SERPINA7: variants seen among roughly 807,000 people sequenced by gnomAD.
The protein encoded by SERPINA7 is thyroxine-binding globulin.
In SERPINA7, 14 loss-of-function variants were observed where a neutral mutation model predicts 16.0. The ratio of observed to expected loss-of-function variants is 0.88; its 90% CI spans 0.58 to 1.37. The LOEUF is 1.37. Ranked by LOEUF, SERPINA7 falls within the 40% of genes most tolerant of loss-of-function variation. SERPINA7 has a pLI of 0.00. For missense variants in SERPINA7, 335 were observed against 296.6 expected, an observed-to-expected ratio of 1.13 and a Z score of -0.95; for synonymous variants, 140 against 111.0, an observed-to-expected ratio of 1.26 and a Z score of -1.65.
chrX:106,036,802 CA>C lies in SERPINA7; in HGVS notation c.256del (p.Cys86AlafsTer21). On this transcript the variant is annotated frameshift_variant, in exon 2 of 5. Transcript: ENST00000372563. LOFTEE classifies it high-confidence loss of function. ...CTCCACAATCTCAGTTTGGGTGCTG[CA>C]GCAGGCCCCAAAGGAAAGCATAACC... is the stretch of plus-strand genomic sequence containing the variant. ...ALVMLSFGACCSTQTEIVETL... is the reference protein window; with the variant it reads ...ALVMLSFGACXSTQTEIVETL... The C allele has an allele frequency of 8.3e-7, 1 of 1,210,996 alleles. No homozygotes were observed. The highest frequency in any genetic ancestry group is 1.1e-6 in the Non-Finnish European group (1 of 895,234).
intron 4 of SERPINA7, 158 bp from the exon 5 acceptor site, chrX:106,033,861 A>C: frequency 9.9e-7 from 1 of 1,011,852 alleles, no homozygotes; most frequent in East Asian, 3.2e-5. Context: ...AAATGTAGTC[A>C]ATCATTCTCT....
Position 106,036,453 on chromosome X carries a change from G to A in SERPINA7, c.606C>T (p.Asn202=). The A allele has an allele frequency of 8.3e-7, 1 of 1,210,435 alleles. No homozygotes were observed. The highest frequency in any genetic ancestry group is 1.1e-6 in the Non-Finnish European group (1 of 894,542). The part of the protein sequence containing the change: ...LKPNTIMVLV[N]YIHFKAQWAN... ...AAGTCTTACCTTTAAAGTGAATATA[G>A]TTCACTAAGACCATGATGGTGTTTG... Residue 202 remains asparagine, a synonymous_variant, in exon 2 of 5, where the codon AAC becomes AAT. Coordinates refer to ENST00000372563, the MANE Select transcript of SERPINA7 (RefSeq NM_000354.6).
intron 2 of SERPINA7, among the ~76,000 whole-genome samples, 173 bp downstream of exon 2, chrX:106,036,264 C>G (rs1432978994): frequency 2.7e-5 from 3 of 111,724 alleles, no homozygotes; most frequent in Non-Finnish European, 5.7e-5. Context: ...ATTCACAGAG[C>G]TGTGTGTCCA....
intron 1 of SERPINA7, chrX:106,037,385 T>C (rs2041460117): frequency 4.0e-6 from 1 of 250,892 alleles, no homozygotes. Context: ...TGAATCACTT[T>C]TTTTCTGAAC....
chrX:106,035,401 A>G lies in SERPINA7; in HGVS notation c.623-16T>C, dbSNP rs767353817. ...GCCCACTGGGCTTAAAATACAAAGA[A>G]AAGAGAGGTGTTTATTTTAAACCGG... is the stretch of plus-strand genomic sequence containing the variant. On this transcript the variant is annotated splice_polypyrimidine_tract_variant and intron_variant, in intron 2 of 4. Transcript: ENST00000372563. The G allele has an allele frequency of 8.3e-7, 1 of 1,203,593 alleles. No homozygotes were observed. The highest frequency in any genetic ancestry group is 1.8e-5 in the South Asian group (1 of 56,809).
At chrX:106,035,914 G>T (rs1016119163) in intron 2 of SERPINA7, among the ~76,000 whole-genome samples, 2 of 112,047 alleles carry the variant, frequency 1.8e-5, no homozygotes, top group African/African-American at 6.5e-5. Context: ...AGACCTTGTT[G>T]GTAATATCAG....
At position 106,033,532 on chromosome X, in the gene SERPINA7, G is replaced by A; in HGVS notation, c.1216C>T (p.Leu406=). Residue 406 remains leucine (L), a synonymous_variant, in exon 5 of 5, where the codon CTA becomes TTA. Transcript: ENST00000372563. ...LERSTRSILF[L]GKVVNPTEA ...TCCGTTGGGTTCACAACTTTCCCTA[G>A]AAAGAGAATACTCCTTGTGCTTCTC... is the stretch of plus-strand genomic sequence containing the variant. 1 of 1,211,220 alleles carries A rather than the reference G, an allele frequency of 8.3e-7. No individual in the cohort carries two copies. Among genetic ancestry groups the A allele is most frequent in the Non-Finnish European group, 1.1e-6 (1 of 895,004 alleles).
At position 106,034,267 on chromosome X, in the gene SERPINA7, G is replaced by T. The variant is rs748753345; in HGVS notation, c.1012C>A (p.Leu338Ile). 1.1e-5 allele frequency: 13 copies of T among 1,210,501 alleles called. No homozygotes were observed. Among genetic ancestry groups the T allele is most frequent in the East Asian group, 3.0e-5 (1 of 33,789 alleles). Residue 338 changes from leucine (L) to isoleucine (I), a missense_variant, in exon 4 of 5, where the codon CTC (leucine) becomes ATC (isoleucine). Physicochemically the swap from Leu to Ile is conservative, Grantham distance 5. Transcript: ENST00000372563. ...AGTTTCAGACCATTGTCCTCTGTGAGTCCAGAAAAATCAGCATTTTCAGAA... is the reference window on the plus strand; with the variant it reads ...AGTTTCAGACCATTGTCCTCTGTGATTCCAGAAAAATCAGCATTTTCAGAA... ...AYSENADFSG[L>I]TEDNGLKLSN...
At position 106,033,419 on chromosome X, in the gene SERPINA7, C is replaced by T. The variant is rs1332963576; in HGVS notation, c.*81G>A. ...ATAAGGGAATGCAAGTCCAAGCTCA[C>T]ATCAATCACACCAGGCTATATTATT... is the stretch of plus-strand genomic sequence containing the variant. On this transcript the variant is annotated 3_prime_UTR_variant, in exon 5 of 5. Coordinates refer to ENST00000372563, the MANE Select transcript of SERPINA7 (RefSeq NM_000354.6). 5.5e-6 allele frequency: 6 copies of T among 1,095,093 alleles called. No homozygotes were observed. The highest frequency in any genetic ancestry group is 7.6e-6 in the Non-Finnish European group (6 of 790,214). The allele number at this position is 1,095,093 out of a possible 1,213,427, so 90.2% of individuals were successfully genotyped here. A position where few individuals can be genotyped will look rare whatever the true frequency, so the allele number is the denominator to read the frequency against.
In SERPINA7 at chrX:106,034,327, C is replaced by T; in HGVS notation, c.952G>A (p.Ala318Thr). The T allele has an allele frequency of 8.3e-7, 1 of 1,207,542 alleles. No homozygotes were observed. Among genetic ancestry groups the T allele is most frequent in the Non-Finnish European group, 1.1e-6 (1 of 891,820 alleles). ...FSISATYDLGATLLKMGIQHA... is the reference protein window; with the variant it reads ...FSISATYDLGTTLLKMGIQHA... ...TGAATGCCCATCTTCAAAAGTGTGG[C>T]TCCAAGGTCATATGTGGCAGAAATG... Residue 318 changes from alanine (A) to threonine (T), a missense_variant, in exon 4 of 5, where the codon GCC (alanine) becomes ACC (threonine). Ala to Thr is a moderately conservative substitution (Grantham distance 58). Transcript: ENST00000372563.
At chrX:106,034,100 G>C (rs2041429517) in intron 4 of SERPINA7, 135 bp downstream of exon 4, 5 of 608,360 alleles carry the variant, frequency 8.2e-6, no homozygotes, top group South Asian at 7.9e-5. Context: ...ACTCTGGAGT[G>C]ATTCTAGCTT....
chrX:106,037,552 T>C (rs1293036816), intron 1 of SERPINA7, among the ~76,000 whole-genome samples: 1 of 110,797 alleles, frequency 9.0e-6, no homozygotes, highest in Non-Finnish European at 1.9e-5. Context: ...CGCATCTTAT[T>C]TGGCTAAAAG....
At chrX:106,035,000 A>G in intron 3 of SERPINA7, 112 bp downstream of exon 3, 1 of 902,752 alleles carries the variant, frequency 1.1e-6, no homozygotes, top group Non-Finnish European at 1.6e-6. Context: ...GTGATCATAC[A>G]TAGCTGTTGG....
Position 106,034,318 on chromosome X carries a change from A to G in SERPINA7, c.961T>C (p.Leu321=), listed in dbSNP as rs938327805. The G allele has an allele frequency of 8.3e-7, 1 of 1,205,198 alleles. No individual in the cohort carries two copies. Among genetic ancestry groups the G allele is most frequent in the African/African-American group, 1.8e-5 (1 of 57,126 alleles). ...SATYDLGATL[L]KMGIQHAYSE... is the part of the protein sequence containing the mutation. ...TAGGCATGCTGAATGCCCATCTTCA[A>G]AAGTGTGGCTCCAAGGTCATATGTG... is the stretch of plus-strand genomic sequence containing the variant. Residue 321 remains leucine, a synonymous_variant, in exon 4 of 5, where the codon TTG becomes CTG. Coordinates refer to ENST00000372563, the MANE Select transcript of SERPINA7 (RefSeq NM_000354.6).
chrX:106,033,530 T>G lies in SERPINA7; in HGVS notation c.1218A>C (p.Leu406=). 15 of 1,211,442 alleles carry G rather than the reference T, an allele frequency of 1.2e-5. No homozygotes were observed. Among genetic ancestry groups the G allele is most frequent in the Non-Finnish European group, 1.7e-5 (15 of 895,129 alleles). The part of the protein sequence containing the change: ...LERSTRSILF[L]GKVVNPTEA ...CTTCCGTTGGGTTCACAACTTTCCCTAGAAAGAGAATACTCCTTGTGCTTC... is the reference window on the plus strand; with the variant it reads ...CTTCCGTTGGGTTCACAACTTTCCCGAGAAAGAGAATACTCCTTGTGCTTC... Residue 406 remains leucine (L), a synonymous_variant, in exon 5 of 5, where the codon CTA becomes CTC. Transcript: ENST00000372563.
At position 106,036,421 on chromosome X, in the gene SERPINA7, C is replaced by T. The variant is rs2041449142; in HGVS notation, c.622+16G>A. 8.3e-7 allele frequency: 1 copy of T among 1,208,156 alleles called. No homozygotes were observed. The highest frequency in any genetic ancestry group is 1.8e-5 in the African/African-American group (1 of 57,106). The stretch of plus-strand genomic sequence containing the variant: ...ATCTGAGCCCTAGACTGAAAATTGA[C>T]ATCTGAAAGTCTTACCTTTAAAGTG... On this transcript the variant is annotated intron_variant, in intron 2 of 4. Transcript: ENST00000372563.
At chrX:106,034,536 A>G in intron 3 of SERPINA7, among the ~76,000 whole-genome samples, 154 bp from the exon 4 acceptor site, 1 of 112,228 alleles carries the variant, frequency 8.9e-6, no homozygotes, top group East Asian at 2.8e-4. Context: ...CACCAAACTC[A>G]CAGAAGTTAT....
At chrX:106,037,110 G>A (rs917259745) in intron 1 of SERPINA7, 35 bp from the exon 2 acceptor site, 1 of 1,131,471 alleles carries the variant, frequency 8.8e-7, no homozygotes, top group Admixed American at 2.2e-5. Context: ...CACTGAGGGA[G>A]CTTAGTTGGA....
chrX:106,037,505 T>C (rs2147843572), intron 1 of SERPINA7: 1 of 119,004 alleles, frequency 8.4e-6, no homozygotes, highest in African/African-American at 3.3e-5. Flanking sequence ...TCATCTGGCA[T>C]TTTCTTAAGA....
Sources: gnomAD v4.1 joint callset for allele counts (sites outside exome capture counted in the v4.1 genomes callset) on GRCh38, gnomAD v4.1.1 for gene constraint, MANE v1.5 for transcripts, NCBI Gene and HGNC (gene_info 2026-07-23, HGNC 2026-07-21) for gene names.